The following WDR70 variants were observed in gnomAD, a reference collection of about 807,000 sequenced individuals.
The protein encoded by WDR70 is WD repeat domain 70.
A neutral mutation model predicts 88.6 loss-of-function variants in WDR70; 53 were observed. That is an observed-to-expected ratio of 0.60 (90% CI 0.48 to 0.75). WDR70 has a LOEUF of 0.75. Among genes scored for constraint, WDR70 ranks in the 30% least tolerant of loss-of-function variants. WDR70 has a pLI of 0.00. For synonymous variants in WDR70, 280 were observed against 270.0 expected (o/e 1.04, Z -0.36); for missense variants, 610 against 823.2 (o/e 0.74, Z 3.17).
chr5:37,412,527 A>G (rs1051884995), intron 5 of WDR70, among the ~76,000 whole-genome samples: 5 of 152,096 alleles, frequency 3.3e-5, no homozygotes, highest in African/African-American at 1.2e-4. Flanking sequence ...GATTTTCATT[A>G]TCTTTGCTAT....
chr5:37,429,645 T>C (rs192138286), intron 5 of WDR70, among the ~76,000 whole-genome samples: 3 of 152,290 alleles, frequency 2.0e-5, no homozygotes, highest in Admixed American at 2.0e-4. Flanking sequence ...CAAATTTGTA[T>C]ATGTGTGGGT....
At chr5:37,728,524 A>T (rs1029920787) in intron 17 of WDR70, among the ~76,000 whole-genome samples, 1 of 151,922 alleles carries the variant, frequency 6.6e-6, no homozygotes, top group East Asian at 1.9e-4. Context: ...TTTAATGAAT[A>T]CTGGTCAGTT....
intron 8 of WDR70, among the ~76,000 whole-genome samples, chr5:37,504,492 T>C (rs2112227428): frequency 6.6e-6 from 1 of 152,346 alleles, no homozygotes; most frequent in East Asian, 1.9e-4. Flanking sequence ...AGTGAATGAA[T>C]AACATATTCT....
chr5:37,719,984 A>G (rs1275137745), intron 13 of WDR70, among the ~76,000 whole-genome samples: 1 of 151,998 alleles, frequency 6.6e-6, no homozygotes. Context: ...CTCGGACTAC[A>G]GGCGCGTGCC....
At chr5:37,568,015 C>T (rs1191759121) in intron 9 of WDR70, among the ~76,000 whole-genome samples, 2 of 152,214 alleles carry the variant, frequency 1.3e-5, no homozygotes, top group African/African-American at 4.8e-5. Flanking sequence ...AAGTCCAGCA[C>T]AGTTTTTGTA....
intron 10 of WDR70, among the ~76,000 whole-genome samples, chr5:37,652,263 A>G (rs1745430380): frequency 1.3e-5 from 2 of 152,158 alleles, no homozygotes; most frequent in African/African-American, 4.8e-5. Flanking sequence ...GTGTGGCATT[A>G]TCTCTGAGGC....
At chr5:37,626,129 A>G (rs1440964542) in intron 10 of WDR70, among the ~76,000 whole-genome samples, 1 of 151,848 alleles carries the variant, frequency 6.6e-6, no homozygotes. Flanking sequence ...CTGTTGCCTA[A>G]TTGCTCTGGT....
At position 37,703,401 on chromosome 5, in the gene WDR70, G is replaced by A. The variant is rs1747223378; in HGVS notation, c.1416+314G>A. On this transcript the variant is annotated intron_variant, in intron 13 of 17. Coordinates refer to ENST00000265107, the MANE Select transcript of WDR70 (RefSeq NM_018034.4). ...TACAGAAAGGAGCATCCCACAATGG[G>A]CATGTTTGTGAGGATCTAGGGATTG... 2.6e-5 allele frequency among the ~76,000 whole-genome samples: 4 copies of A among 152,188 alleles called. No homozygotes were observed. In the South Asian group the frequency reaches 8.3e-4, roughly 32 times the overall value.
In WDR70 at chr5:37,444,336, C is replaced by CTTTTTTTT. The variant is rs70978817; in HGVS notation, c.686+977_686+984dup. On this transcript the variant is annotated intron_variant, in intron 7 of 17. Transcript: ENST00000265107. ...GTTGCTACAATGAGCCAGCCTTTCTCTTTTTTTTTTTTTTTTTTTTGAGAC... is the reference window on the plus strand; with the variant it reads ...GTTGCTACAATGAGCCAGCCTTTCTCTTTTTTTTTTTTTTTTTTTTTTTTTTTTGAGAC... Among the ~76,000 whole-genome samples, 33 of 94,196 alleles carry CTTTTTTTT rather than the reference C, an allele frequency of 3.5e-4. 1 individual carries two copies. The highest frequency in any genetic ancestry group is 4.3e-4 in the Non-Finnish European group (22 of 50,676). The allele number at this position is 94,196 out of a possible 152,430, so 61.8% of individuals were successfully genotyped here. A position where few individuals can be genotyped will look rare whatever the true frequency, so the allele number is the denominator to read the frequency against.
intron 10 of WDR70, among the ~76,000 whole-genome samples, chr5:37,651,719 G>GT (rs1177425651): frequency 6.6e-6 from 1 of 152,080 alleles, no homozygotes; most frequent in African/African-American, 2.4e-5. Flanking sequence ...TGATGATGAG[G>GT]TTTTTTTCAT....
chr5:37,679,258 T>A (rs1746344445), intron 10 of WDR70, among the ~76,000 whole-genome samples: 1 of 152,252 alleles, frequency 6.6e-6, no homozygotes, highest in South Asian at 2.1e-4. Flanking sequence ...CGTCCAGCTT[T>A]GTTCCATTGC....
intron 10 of WDR70, among the ~76,000 whole-genome samples, chr5:37,667,753 A>G (rs1745901289): frequency 6.7e-6 from 1 of 149,606 alleles, no homozygotes; most frequent in African/African-American, 2.4e-5. Flanking sequence ...GCCCCTTTCT[A>G]GAAAAAGTTT....
At chr5:37,385,244 G>A (rs982227577) in intron 3 of WDR70, among the ~76,000 whole-genome samples, 2 of 151,958 alleles carry the variant, frequency 1.3e-5, no homozygotes, top group Non-Finnish European at 2.9e-5. Context: ...TCTAGGCTGG[G>A]TGCAGTGGCT....
chr5:37,519,711 C>T lies in WDR70; in HGVS notation c.917+3121C>T, dbSNP rs527513827. On this transcript the variant is annotated intron_variant, in intron 9 of 17. Transcript: ENST00000265107. ...GGCGGCCGGGCAGAGGCGCTCCTCACCTCCCAGATGGGGCGGCTGGGCAGA... is the reference window on the plus strand; with the variant it reads ...GGCGGCCGGGCAGAGGCGCTCCTCATCTCCCAGATGGGGCGGCTGGGCAGA... Among the ~76,000 whole-genome samples, 9 of 152,188 alleles carry T rather than the reference C, an allele frequency of 5.9e-5. 2 individuals carry two copies. The highest frequency in any genetic ancestry group is 2.2e-4 in the African/African-American group (9 of 41,522).
chr5:37,579,324 G>T (rs1743151688), intron 9 of WDR70, among the ~76,000 whole-genome samples: 1 of 152,124 alleles, frequency 6.6e-6, no homozygotes, highest in South Asian at 2.1e-4. Context: ...GGTGGCTCAC[G>T]CCTGTAATCC....
At chr5:37,582,249 G>T (rs997879997) in intron 9 of WDR70, among the ~76,000 whole-genome samples, 12 of 151,992 alleles carry the variant, frequency 7.9e-5, no homozygotes, top group Non-Finnish European at 1.5e-4. Context: ...ATTGCATTTA[G>T]ACTAGTTAAC....
chr5:37,744,087 C>G (rs902179323), intron 17 of WDR70, among the ~76,000 whole-genome samples: 1 of 152,152 alleles, frequency 6.6e-6, no homozygotes, highest in African/African-American at 2.4e-5. Context: ...TGGCTGCCCT[C>G]CAGCCTCCTT....
chr5:37,523,928 G>GA (rs780563620), intron 9 of WDR70, among the ~76,000 whole-genome samples: 1 of 152,080 alleles, frequency 6.6e-6, no homozygotes. Context: ...GACGTTTAGA[G>GA]AAAAAAGAGT....
chr5:37,554,738 C>T (rs949678174), intron 9 of WDR70, among the ~76,000 whole-genome samples: 1 of 151,776 alleles, frequency 6.6e-6, no homozygotes, highest in Non-Finnish European at 1.5e-5. Flanking sequence ...CTATGTTACC[C>T]AGGCTGGAGC....
Sources: gnomAD v4.1 joint callset for allele counts (sites outside exome capture counted in the v4.1 genomes callset) on GRCh38, gnomAD v4.1.1 for gene constraint, MANE v1.5 for transcripts, NCBI Gene and HGNC (gene_info 2026-07-23, HGNC 2026-07-21) for gene names.